Variants in LAT2 observed in about 807,000 individuals in gnomAD.
The protein encoded by LAT2 is linker for activation of T cells family member 2.
In LAT2, 23 loss-of-function variants were observed where a neutral mutation model predicts 43.4. The observed-to-expected ratio is 0.53, with a 90% CI of 0.38 to 0.75. The LOEUF (loss-of-function observed/expected upper bound fraction) is 0.75, where lower values mean the gene tolerates loss of function less well. Among genes scored for constraint, LAT2 ranks in the 30% least tolerant of loss-of-function variants. LAT2 has a pLI of 0.00. For missense variants in LAT2, 284 were observed against 310.2 expected (o/e 0.92, Z 0.64); for synonymous variants, 128 against 123.2 (o/e 1.04, Z -0.26).
intron 1 of LAT2, among the ~76,000 whole-genome samples, chr7:74,212,108 T>G (rs1381920690): frequency 2.0e-5 from 3 of 152,008 alleles, no homozygotes; most frequent in African/African-American, 7.3e-5. Context: ...TGCGCCTGCC[T>G]AATTTTTTCA....
At chr7:74,228,510 G>T (rs1488882836) in intron 13 of LAT2, among the ~76,000 whole-genome samples, 2 of 148,372 alleles carry the variant, frequency 1.3e-5, no homozygotes, top group East Asian at 4.0e-4. Flanking sequence ...AATGGGCCAG[G>T]CGTGGTGGCT....
chr7:74,222,817 C>T (rs1276369250), intron 10 of LAT2, among the ~76,000 whole-genome samples: 10 of 152,244 alleles, frequency 6.6e-5, no homozygotes, highest in South Asian at 4.1e-4. Flanking sequence ...TCAGGTGATC[C>T]GCCCGCCTTG....
intron 10 of LAT2, 104 bp from the exon 11 acceptor site, chr7:74,223,617 TGGC>T (rs1423567108): frequency 9.5e-7 from 1 of 1,053,244 alleles, no homozygotes; most frequent in Non-Finnish European, 1.5e-6. Flanking sequence ...GGCTAGGGCT[TGGC>T]GGAAGAGGTC....
chr7:74,221,567 C>A, intron 9 of LAT2, 70 bp from the exon 10 acceptor site: 3 of 1,291,282 alleles, frequency 2.3e-6, no homozygotes, highest in Non-Finnish European at 3.3e-6. Context: ...CCTCACCGCC[C>A]CCTTATGGAG....
intron 1 of LAT2, among the ~76,000 whole-genome samples, chr7:74,212,155 T>C (rs1444994003): frequency 6.6e-6 from 1 of 152,002 alleles, no homozygotes; most frequent in Non-Finnish European, 1.5e-5. Flanking sequence ...ACATCGTCCA[T>C]GCTGGTCTCG....
chr7:74,214,255 T>TATATATATATGAAAATATATATATAA lies in LAT2; in HGVS notation c.-218-504_-218-479dup, dbSNP rs1563967030. 3.7e-3 allele frequency among the ~76,000 whole-genome samples: 169 copies of TATATATATATGAAAATATATATATAA among 46,300 alleles called. 6 individuals are homozygous for TATATATATATGAAAATATATATATAA. The highest frequency in any genetic ancestry group is 4.6e-3 in the Non-Finnish European group (121 of 26,464). 30.4% of individuals were successfully genotyped at this position (46,300 alleles called of 152,430 possible). On this transcript the variant is annotated intron_variant, in intron 1 of 13. Coordinates refer to ENST00000460943, the MANE Select transcript of LAT2 (RefSeq NM_032464.3). ...ATATATATGAAAATATATATATAAA[T>TATATATATATGAAAATATATATATAA]ATATATATATGAAAATATATATATA...
chr7:74,221,410 CAAAAAAAAAAAAA>C lies in LAT2; in HGVS notation c.333-210_333-198del, dbSNP rs782694803. On this transcript the variant is annotated intron_variant, in intron 9 of 13. Transcript: ENST00000460943. ...AGCCTGGGTGACAGAGACTCTGTCT[CAAAAAAAAAAAAA>C]AAAAAAAAAAAAAAAAGTGGCTCCA... is the stretch of plus-strand genomic sequence containing the variant. 1.5e-3 allele frequency among the ~76,000 whole-genome samples: 31 copies of C among 21,086 alleles called. 1 individual carries two copies. The highest frequency in any genetic ancestry group is 0.029 in the Middle Eastern group (1 of 34). The allele number at this position is 21,086 out of a possible 152,430, so 13.8% of individuals were successfully genotyped here. A position where few individuals can be genotyped will look rare whatever the true frequency, so the allele number is the denominator to read the frequency against.
chr7:74,221,330 G>A (rs1476961356), intron 9 of LAT2, among the ~76,000 whole-genome samples: 2 of 147,714 alleles, frequency 1.4e-5, no homozygotes, highest in African/African-American at 5.1e-5. Flanking sequence ...CAGGAGAATC[G>A]CTTGAACCTG....
Position 74,224,700 on chromosome 7 carries a change from A to G in LAT2, c.690A>G (p.Glu230=), listed in dbSNP as rs782371614. The change falls in exon 13 of 14, where the codon GAA becomes GAG. Residue 230 remains glutamate (E), a synonymous_variant. Transcript: ENST00000460943. ...PVGSPDEEDG[E]PDYVNGEVAA... ...GAAGCCCAGACGAGGAGGACGGGGA[A>G]CCGGATTACGTGAATGGGGAGGTGG... 3 of 1,607,340 alleles carry G rather than the reference A, an allele frequency of 1.9e-6. No individual in the cohort carries two copies. The highest frequency in any genetic ancestry group is 2.5e-6 in the Non-Finnish European group (3 of 1,177,052).
At chr7:74,218,207 C>T (rs1554714511) in intron 4 of LAT2, among the ~76,000 whole-genome samples, 1 of 152,226 alleles carries the variant, frequency 6.6e-6, no homozygotes, top group Non-Finnish European at 1.5e-5. Context: ...TGGGCTCAGT[C>T]CCACCAGCCT....
intron 13 of LAT2, chr7:74,225,120 C>T (rs187910174): frequency 4.2e-4 from 73 of 172,314 alleles, no homozygotes; most frequent in Admixed American, 1.3e-3. Context: ...CGGCCGGGCA[C>T]GGTGGCTCAC....
At position 74,214,780 on chromosome 7, in the gene LAT2, T is replaced by C. The variant is rs1184477788; in HGVS notation, c.-218-42T>C. The stretch of plus-strand genomic sequence containing the variant: ...ATATATAAACATATATATATAAATA[T>C]ATATATATATATTTTTTTTTTTTTT... On this transcript the variant is annotated intron_variant, in intron 1 of 13. Coordinates refer to ENST00000460943, the MANE Select transcript of LAT2 (RefSeq NM_032464.3). The C allele has an allele frequency of 1.6e-4, 13 of 83,438 alleles. 1 individual carries two copies. The highest frequency in any genetic ancestry group is 7.7e-4 in the African/African-American group (13 of 16,932). 5.2% of individuals were successfully genotyped at this position (83,438 alleles called of 1,614,324 possible). A position where few individuals can be genotyped will look rare whatever the true frequency, so the allele number is the denominator to read the frequency against.
intron 12 of LAT2, 94 bp from the exon 13 acceptor site, chr7:74,224,545 T>C: frequency 9.3e-7 from 1 of 1,071,750 alleles, no homozygotes; most frequent in Non-Finnish European, 1.4e-6. Flanking sequence ...TCCCGCGGGC[T>C]GTTTTGTGGA....
At position 74,220,764 on chromosome 7, in the gene LAT2, C is replaced by T. The variant is rs782211109; in HGVS notation, c.332+30C>T. ...GTGACCTTGATCCTGTCCCCCCTGCCTCGCCTCTCCCCCTGCCCCACCTCT... is the reference window on the plus strand; with the variant it reads ...GTGACCTTGATCCTGTCCCCCCTGCTTCGCCTCTCCCCCTGCCCCACCTCT... On this transcript the variant is annotated intron_variant, in intron 9 of 13. Coordinates refer to ENST00000460943, the MANE Select transcript of LAT2 (RefSeq NM_032464.3). This position sits in a 1 kb window ranked among gnomAD's most constrained non-coding sequence, Gnocchi z 4.5. 6.7e-7 allele frequency: 1 copy of T among 1,499,230 alleles called. No individual in the cohort carries two copies. Among genetic ancestry groups the T allele is most frequent in the East Asian group, 2.5e-5 (1 of 40,794 alleles). 92.9% of individuals were successfully genotyped at this position (1,499,230 alleles called of 1,614,324 possible). A position where few individuals can be genotyped will look rare whatever the true frequency, so the allele number is the denominator to read the frequency against.
chr7:74,215,975 C>G lies in LAT2; in HGVS notation c.-1C>G, dbSNP rs1230104190. On this transcript the variant is annotated 5_prime_UTR_variant, in exon 3 of 14. Coordinates refer to ENST00000460943, the MANE Select transcript of LAT2 (RefSeq NM_032464.3). ...CACAAGAGGCAACACCAGGAGCCAA[C>G]ATGAGCTCGGGGACTGAACTGCTGT... 1 of 1,613,978 alleles carries G rather than the reference C, an allele frequency of 6.2e-7. No individual in the cohort carries two copies. Among genetic ancestry groups the G allele is most frequent in the Non-Finnish European group, 8.5e-7 (1 of 1,179,992 alleles).
At chr7:74,210,544 G>T (rs1269383902) in intron 1 of LAT2, among the ~76,000 whole-genome samples, 5 of 151,800 alleles carry the variant, frequency 3.3e-5, no homozygotes, top group Non-Finnish European at 7.4e-5. Flanking sequence ...CCCCTACCTG[G>T]CCCTCAACTC....
rs192549463 is a variant in LAT2, at chr7:74,219,902, G to A, written c.179-58G>A. The A allele has an allele frequency of 5.3e-5, 86 of 1,612,360 alleles. No individual in the cohort carries two copies. In the African/African-American group the frequency reaches 1.1e-3, roughly 21 times the overall value. ...AGGCCTGATGTGGGGGGATGATGGG[G>A]TGAGGGGGCTGGGCTAGCTGGGGGC... On this transcript the variant is annotated intron_variant, in intron 5 of 13. Coordinates refer to ENST00000460943, the MANE Select transcript of LAT2 (RefSeq NM_032464.3).
chr7:74,223,586 G>C, intron 10 of LAT2, 138 bp from the exon 11 acceptor site: 3 of 751,362 alleles, frequency 4.0e-6, no homozygotes, highest in Non-Finnish European at 4.6e-6. Context: ...AAGAAGGCTT[G>C]AGGTCCCGGG....
Position 74,221,410 on chromosome 7 carries a change from C to CAAAA in LAT2, c.333-201_333-198dup, listed in dbSNP as rs782694803. ...AGCCTGGGTGACAGAGACTCTGTCT[C>CAAAA]AAAAAAAAAAAAAAAAAAAAAAAAA... is the stretch of plus-strand genomic sequence containing the variant. On this transcript the variant is annotated intron_variant, in intron 9 of 13. Coordinates refer to ENST00000460943, the MANE Select transcript of LAT2 (RefSeq NM_032464.3). 5.4e-3 allele frequency among the ~76,000 whole-genome samples: 114 copies of CAAAA among 21,076 alleles called. 11 individuals are homozygous for CAAAA. Among genetic ancestry groups the CAAAA allele is most frequent in the African/African-American group, 0.014 (106 of 7,642 alleles). The allele number at this position is 21,076 out of a possible 152,430, so 13.8% of individuals were successfully genotyped here.
Sources: gnomAD v4.1 joint callset for allele counts (sites outside exome capture counted in the v4.1 genomes callset) on GRCh38, gnomAD v4.1.1 for gene constraint, Gnocchi (gnomAD v3.1) non-coding constraint, MANE v1.5 for transcripts, NCBI Gene and HGNC (gene_info 2026-07-23, HGNC 2026-07-21) for gene names.